Variants in TDRD7 observed in about 807,000 individuals in gnomAD.
TDRD7 encodes tudor domain containing 7.
Under a neutral mutation model 109.8 loss-of-function variants are expected in TDRD7, and 47 were observed. The observed-to-expected ratio is 0.43, with a 90% confidence interval of 0.34 to 0.55. The LOEUF (loss-of-function observed/expected upper bound fraction) is 0.55, where lower values mean the gene tolerates loss of function less well. Among genes scored for constraint, TDRD7 ranks in the 20% least tolerant of loss-of-function variants. TDRD7 has a pLI of 0.03. For synonymous variants in TDRD7, 424 were observed against 457.3 expected (o/e 0.93, Z 0.93); for missense variants, 1,164 against 1,319.2 (o/e 0.88, Z 1.82).
At chr9:97,445,209 C>G (rs1828379382) in intron 6 of TDRD7, among the ~76,000 whole-genome samples, 1 of 152,174 alleles carries the variant, frequency 6.6e-6, no homozygotes, top group East Asian at 1.9e-4. Context: ...CCCATTGGGT[C>G]CTAGGAGTAC....
chr9:97,425,054 A>G (rs1827964576), intron 1 of TDRD7, among the ~76,000 whole-genome samples: 1 of 151,960 alleles, frequency 6.6e-6, no homozygotes, highest in South Asian at 2.1e-4. Context: ...AGAACCTTCC[A>G]TTGGTTCTAT....
intron 7 of TDRD7, among the ~76,000 whole-genome samples, chr9:97,461,885 A>G (rs1828731168): frequency 6.6e-6 from 1 of 152,230 alleles, no homozygotes; most frequent in African/African-American, 2.4e-5. Context: ...AAATAATTAG[A>G]ATCCTTCAAT....
rs763688542 is a variant in TDRD7, at chr9:97,478,496, G to A, written c.2224G>A (p.Val742Met). ...TGTTCAGTTCCTGGACTCTGGCACT[G>A]TGACATCTGTAAAAGTGTCAGAGCT... ...LDVQFLDSGT[V>M]TSVKVSELRE... Residue 742 changes from valine to methionine, a missense_variant, in exon 13 of 17, where the codon GTG becomes ATG. Around this residue, in one of 5 missense-constraint regions of TDRD7, gnomAD observed 233 missense variants for 218.0 expected, o/e 1.07. Coordinates refer to ENST00000355295, the MANE Select transcript of TDRD7 (RefSeq NM_014290.3). 19 of 1,613,984 alleles carry A rather than the reference G, an allele frequency of 1.2e-5. No individual in the cohort carries two copies. The African/African-American group carries it at 2.3e-4, about 19-fold the overall frequency.
chr9:97,463,623 G>A (rs762528985), intron 7 of TDRD7, among the ~76,000 whole-genome samples: 15 of 152,074 alleles, frequency 9.9e-5, no homozygotes, highest in Admixed American at 9.8e-4. Context: ...CAGCTAAAAA[G>A]GCCTCGATCC....
chr9:97,454,357 G>A (rs1828563949), intron 6 of TDRD7, among the ~76,000 whole-genome samples: 1 of 152,118 alleles, frequency 6.6e-6, no homozygotes, highest in South Asian at 2.1e-4. Flanking sequence ...GCAGGCACCT[G>A]TAGTCCCAGC....
At chr9:97,467,823 C>T (rs1474391073) in intron 8 of TDRD7, among the ~76,000 whole-genome samples, 1 of 152,120 alleles carries the variant, frequency 6.6e-6, no homozygotes, top group Non-Finnish European at 1.5e-5. Flanking sequence ...TTGTAATAGC[C>T]AGCTACCTTG....
Position 97,412,585 on chromosome 9 carries a change from C to T in TDRD7, c.-7+347C>T, listed in dbSNP as rs527707855. On this transcript the variant is annotated intron_variant, in intron 1 of 16. Coordinates refer to ENST00000355295, the MANE Select transcript of TDRD7 (RefSeq NM_014290.3). The surrounding 1 kb of genome is among the most constrained non-coding windows in gnomAD (Gnocchi z 4.3). Reference sequence around the variant, plus strand: ...TGCAGCAGCGGGGTGTGGACGCGGGCGGGAGATGCGGACCAGGAAGTGGTT... The same window carrying T: ...TGCAGCAGCGGGGTGTGGACGCGGGTGGGAGATGCGGACCAGGAAGTGGTT... Among the ~76,000 whole-genome samples the T allele has an allele frequency of 7.4e-4, 112 of 152,290 alleles. No homozygotes were observed. The highest frequency in any genetic ancestry group is 2.6e-3 in the African/African-American group (109 of 41,576).
chr9:97,492,436 A>G (rs1346464225), intron 16 of TDRD7, among the ~76,000 whole-genome samples: 4 of 152,168 alleles, frequency 2.6e-5, no homozygotes, highest in Non-Finnish European at 5.9e-5. Context: ...TTCACTGTAT[A>G]CTTCCTTCTC....
intron 1 of TDRD7, among the ~76,000 whole-genome samples, chr9:97,422,603 T>C (rs1294790384): frequency 6.6e-6 from 1 of 152,240 alleles, no homozygotes; most frequent in Non-Finnish European, 1.5e-5. Context: ...TCTTGCCCTG[T>C]TCCCAGTCTT....
chr9:97,421,755 C>T (rs1827904564), intron 1 of TDRD7, among the ~76,000 whole-genome samples: 1 of 150,490 alleles, frequency 6.6e-6, no homozygotes, highest in Admixed American at 6.6e-5. Flanking sequence ...AAGACGGAGT[C>T]TCACTATGTT....
chr9:97,417,929 A>G (rs1751809675), intron 1 of TDRD7, among the ~76,000 whole-genome samples: 1 of 152,240 alleles, frequency 6.6e-6, no homozygotes, highest in South Asian at 2.1e-4. Context: ...GTTCAAGACC[A>G]GCCTGGCCAA....
At position 97,475,407 on chromosome 9, in the gene TDRD7, TC is replaced by T. The variant is rs747134084; in HGVS notation, c.2105del (p.Ser702TyrfsTer20). On this transcript the variant is annotated frameshift_variant, in exon 12 of 17. Transcript: ENST00000355295. LOFTEE classifies it high-confidence loss of function. ...GCACATGACCTCTGAGTGCTTTGTT[TC>T]ATTACCCTTCTGTGGGAAAATCTGC... ...CKHMTSECFV[S>X]LPFCGKICLF... is the part of the protein sequence containing the mutation. The T allele has an allele frequency of 6.2e-7, 1 of 1,613,768 alleles. No homozygotes were observed.
At chr9:97,425,672 G>C (rs1827979579) in intron 1 of TDRD7, among the ~76,000 whole-genome samples, 1 of 152,154 alleles carries the variant, frequency 6.6e-6, no homozygotes, top group Admixed American at 6.5e-5. Flanking sequence ...CTAGTATAGG[G>C]CTTTTGTAGG....
At chr9:97,461,630 T>C (rs952197823) in intron 7 of TDRD7, among the ~76,000 whole-genome samples, 1 of 152,176 alleles carries the variant, frequency 6.6e-6, no homozygotes, top group African/African-American at 2.4e-5. Context: ...TTGGAGAAAA[T>C]GCAGAATACG....
At chr9:97,455,715 T>G (rs928771869) in intron 6 of TDRD7, among the ~76,000 whole-genome samples, 1 of 152,174 alleles carries the variant, frequency 6.6e-6, no homozygotes, top group African/African-American at 2.4e-5. Flanking sequence ...ACAGCCAATA[T>G]CATATTGAAT....
chr9:97,458,185 G>A (rs1170901833), intron 6 of TDRD7, among the ~76,000 whole-genome samples: 1 of 152,142 alleles, frequency 6.6e-6, no homozygotes, highest in Non-Finnish European at 1.5e-5. Context: ...GTTTGTATAA[G>A]TACACACTAT....
chr9:97,432,397 ACAT>A (rs1828120396), intron 4 of TDRD7, among the ~76,000 whole-genome samples, 159 bp downstream of exon 4: 1 of 152,228 alleles, frequency 6.6e-6, no homozygotes, highest in African/African-American at 2.4e-5. Context: ...AGCTGCCTGA[ACAT>A]CATTCTCTAA....
At chr9:97,487,569 A>G (rs574643927) in intron 16 of TDRD7, among the ~76,000 whole-genome samples, 3 of 152,028 alleles carry the variant, frequency 2.0e-5, no homozygotes, top group African/African-American at 7.2e-5. Context: ...TCTGGTTTCA[A>G]GCATGAGTAT....
At position 97,475,237 on chromosome 9, in the gene TDRD7, C is replaced by T. The variant is rs115372789; in HGVS notation, c.2080-146C>T. The T allele has an allele frequency of 2.4e-3, 1,713 of 712,428 alleles. 21 individuals are homozygous for T. The African/African-American group carries it at 0.028, about 11-fold the overall frequency. The allele number at this position is 712,428 out of a possible 1,614,324, so 44.1% of individuals were successfully genotyped here. A position where few individuals can be genotyped will look rare whatever the true frequency, so the allele number is the denominator to read the frequency against. ...GAGTAACAAGACAAAAGTTTTATAA[C>T]CCTGTGTGTTTGCTGCATCCATTGC... On this transcript the variant is annotated intron_variant, in intron 11 of 16. Transcript: ENST00000355295.
Sources: gnomAD v4.1 joint callset for allele counts (sites outside exome capture counted in the v4.1 genomes callset) on GRCh38, gnomAD v4.1.1 for gene constraint, gnomAD v4.1.1 regional missense constraint, Gnocchi (gnomAD v3.1) non-coding constraint, MANE v1.5 for transcripts, NCBI Gene and HGNC (gene_info 2026-07-23, HGNC 2026-07-21) for gene names.